PREX1: variants seen among roughly 807,000 people sequenced by gnomAD.
PREX1 encodes phosphatidylinositol-3,4,5-trisphosphate dependent Rac exchange factor 1, also known as phosphatidylinositol 3,4,5-trisphosphate-dependent Rac exchanger 1 protein.
In PREX1, 41 loss-of-function variants were observed where a neutral mutation model predicts 198.3. The observed-to-expected ratio is 0.21, with a 90% CI of 0.16 to 0.27. The LOEUF (loss-of-function observed/expected upper bound fraction) is 0.27, where lower values mean the gene tolerates loss of function less well. PREX1 is among the 10% of genes least tolerant of loss of function. The pLI is 1.00. For missense variants in PREX1, 1,620 were observed against 2,200.7 expected, an observed-to-expected ratio of 0.74 and a Z score of 5.28; for synonymous variants, 843 against 887.2, an observed-to-expected ratio of 0.95 and a Z score of 0.89.
the PREX1 span, among the ~76,000 whole-genome samples, chr20:48,840,343 AAAAAAAAAAAAG>A: frequency 6.7e-6 from 1 of 149,126 alleles, no homozygotes; most frequent in Middle Eastern, 3.5e-3. Context: ...CTTAACCAAA[AAAAAAAAAAAAG>A]AAAAAAAAAA....
chr20:48,662,525 C>T (rs377009842), intron 15 of PREX1, among the ~76,000 whole-genome samples: 1 of 152,198 alleles, frequency 6.6e-6, no homozygotes, highest in Non-Finnish European at 1.5e-5. Context: ...GACCAACATG[C>T]TGGGGTGGCT....
intron 1 of PREX1, among the ~76,000 whole-genome samples, chr20:48,798,372 C>A (rs1178533321): frequency 6.6e-6 from 1 of 152,204 alleles, no homozygotes; most frequent in Admixed American, 6.5e-5. Context: ...AGCCTCCATA[C>A]CCACACCTAA....
chr20:48,662,063 G>C (rs761270), intron 15 of PREX1, among the ~76,000 whole-genome samples: 22,494 of 152,120 alleles, frequency 0.15, 3,033 homozygotes, highest in African/African-American at 0.36. Flanking sequence ...GAAAGCAGCC[G>C]GGGGCATTTC....
At chr20:48,735,835 G>C (rs2090055008) in intron 3 of PREX1, among the ~76,000 whole-genome samples, 2 of 152,132 alleles carry the variant, frequency 1.3e-5, no homozygotes, top group Admixed American at 1.3e-4. Context: ...GACAGTGTCA[G>C]CTCAAGGTCA....
intron 1 of PREX1, among the ~76,000 whole-genome samples, chr20:48,749,855 A>AT (rs1229107207): frequency 2.0e-5 from 3 of 151,924 alleles, no homozygotes; most frequent in South Asian, 2.1e-4. Context: ...CCAAGGTCTG[A>AT]TTTTTTATTA....
intron 5 of PREX1, among the ~76,000 whole-genome samples, chr20:48,713,098 G>A (rs947031912): frequency 2.0e-5 from 3 of 151,546 alleles, no homozygotes; most frequent in Non-Finnish European, 2.9e-5. Flanking sequence ...CCAAGATTGC[G>A]CCACTGCACT....
intron 5 of PREX1, among the ~76,000 whole-genome samples, chr20:48,724,725 C>CT (rs2122694392): frequency 6.6e-6 from 1 of 152,398 alleles, no homozygotes; most frequent in Non-Finnish European, 1.5e-5. Context: ...CACCCTGTCT[C>CT]TAACCACTAC....
In PREX1 at chr20:48,778,088, G is replaced by A. The variant is rs57699467; in HGVS notation, c.220-30208C>T. Among the ~76,000 whole-genome samples, 1,268 of 152,116 alleles carry A rather than the reference G, an allele frequency of 8.3e-3. 14 individuals are homozygous for A. Among genetic ancestry groups the A allele is most frequent in the African/African-American group, 0.029 (1,190 of 41,516 alleles). ...TGTGACTGTGTTCCAATCAAATGTC[G>A]CCAGGCAAAAGTACAGCCGGATTTC... On this transcript the variant is annotated intron_variant, in intron 1 of 39. Coordinates refer to ENST00000371941, the MANE Select transcript of PREX1 (RefSeq NM_020820.4).
intron 1 of PREX1, among the ~76,000 whole-genome samples, chr20:48,826,905 C>T (rs1353048102): frequency 6.6e-6 from 1 of 152,164 alleles, no homozygotes; most frequent in Non-Finnish European, 1.5e-5. Flanking sequence ...CTCGTCCCTA[C>T]TTCATAGACC....
At chr20:48,637,624 C>A (rs1430137299) in intron 31 of PREX1, 87 bp downstream of exon 31, 13 of 1,336,424 alleles carry the variant, frequency 9.7e-6, no homozygotes, top group Non-Finnish European at 1.2e-5. Context: ...TGCCTCCCCC[C>A]GTCCAGGCCC....
At position 48,659,596 on chromosome 20, in the gene PREX1, G is replaced by A. The variant is rs533897955; in HGVS notation, c.1881+323C>T. Among the ~76,000 whole-genome samples the A allele has an allele frequency of 1.6e-4, 24 of 152,198 alleles. 1 individual carries two copies. The highest frequency in any genetic ancestry group is 6.8e-3 in the Middle Eastern group (2 of 294). The stretch of plus-strand genomic sequence containing the variant: ...CTTGACTGCCTGCTGCAGGCCACGC[G>A]TTAAGATGGGGGCTGCTGTGGGGTA... On this transcript the variant is annotated intron_variant, in intron 16 of 39. Coordinates refer to ENST00000371941, the MANE Select transcript of PREX1 (RefSeq NM_020820.4).
At chr20:48,737,708 G>A (rs548700928) in intron 3 of PREX1, among the ~76,000 whole-genome samples, 4 of 152,138 alleles carry the variant, frequency 2.6e-5, no homozygotes, top group Non-Finnish European at 4.4e-5. Context: ...GCAAGGACTC[G>A]AGCTGGAATC....
chr20:48,763,823 G>T (rs2090195593), intron 1 of PREX1, among the ~76,000 whole-genome samples: 1 of 152,238 alleles, frequency 6.6e-6, no homozygotes, highest in African/African-American at 2.4e-5. Flanking sequence ...CCAGTCTTAG[G>T]AGTACAGACA....
chr20:48,788,593 C>G (rs571375391), intron 1 of PREX1, among the ~76,000 whole-genome samples: 2 of 152,206 alleles, frequency 1.3e-5, no homozygotes, highest in Non-Finnish European at 2.9e-5. Flanking sequence ...AGCTGTAGGT[C>G]TAGCTTCATG....
At chr20:48,833,530 C>T in the PREX1 span, among the ~76,000 whole-genome samples, 1 of 151,144 alleles carries the variant, frequency 6.6e-6, no homozygotes, top group Admixed American at 6.6e-5. Flanking sequence ...CAACCTCAGC[C>T]TCCTGGGTTC....
the PREX1 span, among the ~76,000 whole-genome samples, chr20:48,870,135 T>A: frequency 6.6e-6 from 1 of 152,262 alleles, no homozygotes; most frequent in Non-Finnish European, 1.5e-5. Context: ...ATTTCTAATA[T>A]GTAAGGAATT....
At chr20:48,840,282 T>G in the PREX1 span, among the ~76,000 whole-genome samples, 1 of 149,646 alleles carries the variant, frequency 6.7e-6, no homozygotes, top group East Asian at 2.0e-4. Flanking sequence ...CCCAAAGTGC[T>G]AGGGTTACAG....
chr20:48,819,417 T>A (rs111913010), intron 1 of PREX1, among the ~76,000 whole-genome samples: 2 of 152,338 alleles, frequency 1.3e-5, no homozygotes, highest in African/African-American at 4.8e-5. Flanking sequence ...CTTCAGGACT[T>A]GGTCAAATGT....
At chr20:48,654,208 A>C (rs2089524118) in intron 19 of PREX1, among the ~76,000 whole-genome samples, 1 of 152,146 alleles carries the variant, frequency 6.6e-6, no homozygotes, top group Non-Finnish European at 1.5e-5. Flanking sequence ...CATAATCCCT[A>C]CGCTGAGGGT....
Sources: allele counts gnomAD v4.1 joint callset (sites outside exome capture counted in the v4.1 genomes callset), GRCh38; gene constraint gnomAD v4.1.1; transcripts MANE v1.5; gene names NCBI Gene and HGNC (gene_info 2026-07-23, HGNC 2026-07-21).